The following MGMT variants were observed in gnomAD, a reference collection of about 807,000 sequenced individuals.
The protein encoded by MGMT is methylated-DNA--protein-cysteine methyltransferase.
Under a neutral mutation model 15.9 loss-of-function variants are expected in MGMT, and 14 were observed. That is an observed-to-expected ratio of 0.88 (90% CI 0.58 to 1.37). The LOEUF (loss-of-function observed/expected upper bound fraction) is 1.37. Ranked by LOEUF, MGMT falls within the 40% of genes most tolerant of loss-of-function variation. The probability of loss-of-function intolerance (pLI) is 0.00; values close to 1 mark genes in which losing one functional copy is unlikely to be tolerated. For synonymous variants in MGMT, 130 were observed against 118.2 expected, an observed-to-expected ratio of 1.10 and a Z score of -0.65; for missense variants, 282 against 268.1, an observed-to-expected ratio of 1.05 and a Z score of -0.36.
intron 1 of MGMT, among the ~76,000 whole-genome samples, chr10:129,490,893 G>T (rs1320803825): frequency 1.3e-5 from 2 of 152,066 alleles, no homozygotes; most frequent in African/African-American, 4.8e-5. Flanking sequence ...TATACACCCT[G>T]GACTTACTAT....
chr10:129,633,849 T>C (rs946147010), intron 2 of MGMT, among the ~76,000 whole-genome samples: 2 of 152,228 alleles, frequency 1.3e-5, no homozygotes, highest in Non-Finnish European at 2.9e-5. Flanking sequence ...ATAGTAAATA[T>C]ATTAGTCTCT....
chr10:129,494,380 G>A (rs1256405088), intron 1 of MGMT, among the ~76,000 whole-genome samples: 4 of 152,196 alleles, frequency 2.6e-5, no homozygotes, highest in Non-Finnish European at 5.9e-5. Flanking sequence ...CTTCCCTGGG[G>A]CTTACCTGAA....
Position 129,621,487 on chromosome 10 carries a change from G to A in MGMT, c.125+85110G>A, listed in dbSNP as rs1010633513. On this transcript the variant is annotated intron_variant, in intron 2 of 4. Transcript: ENST00000651593. The stretch of plus-strand genomic sequence containing the variant: ...TAAATATGTTGAAAGGGCGCAGGGG[G>A]GTTTAATGCCCTTCATCAGATCTGT... Among the ~76,000 whole-genome samples the A allele has an allele frequency of 8.2e-4, 125 of 152,344 alleles. 2 individuals carry two copies. The highest frequency in any genetic ancestry group is 8.2e-3 in the Admixed American group (125 of 15,310).
intron 2 of MGMT, among the ~76,000 whole-genome samples, chr10:129,661,632 T>C (rs960946848): frequency 2.6e-5 from 4 of 152,230 alleles, no homozygotes; most frequent in African/African-American, 4.8e-5. Context: ...TAACAAGTTA[T>C]ACATATTTTA....
intron 2 of MGMT, among the ~76,000 whole-genome samples, chr10:129,703,253 T>A (rs1046558530): frequency 6.6e-6 from 1 of 152,224 alleles, no homozygotes; most frequent in African/African-American, 2.4e-5. Context: ...TGAATTTTAC[T>A]ACTATAAAAA....
intron 2 of MGMT, among the ~76,000 whole-genome samples, chr10:129,657,133 A>G (rs1847533289): frequency 6.6e-6 from 1 of 152,104 alleles, no homozygotes; most frequent in Admixed American, 6.5e-5. Flanking sequence ...TCATTTGGGG[A>G]CAGATACCCT....
intron 1 of MGMT, among the ~76,000 whole-genome samples, chr10:129,510,507 C>CT (rs1397562653): frequency 6.6e-6 from 1 of 152,086 alleles, no homozygotes; most frequent in Admixed American, 6.5e-5. Context: ...ACATTATTGG[C>CT]TCTATTGGAA....
chr10:129,517,949 G>A (rs918724571), intron 1 of MGMT, among the ~76,000 whole-genome samples: 23 of 152,192 alleles, frequency 1.5e-4, no homozygotes, highest in African/African-American at 5.1e-4. Flanking sequence ...GAGAATATGC[G>A]AATGCTTTAG....
Position 129,508,230 on chromosome 10 carries a change from C to A in MGMT, c.-12-28011C>A, listed in dbSNP as rs144330982. ...TTGCGGGTGGTTCTGATGGCCACAC[C>A]ACTCCAGCCCGCCTGGAAGCCGCCA... On this transcript the variant is annotated intron_variant, in intron 1 of 4. Coordinates refer to ENST00000651593, the MANE Select transcript of MGMT (RefSeq NM_002412.5). Among the ~76,000 whole-genome samples, 130 of 152,206 alleles carry A rather than the reference C, an allele frequency of 8.5e-4. 1 individual carries two copies. The highest frequency in any genetic ancestry group is 3.0e-3 in the African/African-American group (123 of 41,526).
At chr10:129,559,233 C>G (rs926588962) in intron 2 of MGMT, among the ~76,000 whole-genome samples, 5 of 152,146 alleles carry the variant, frequency 3.3e-5, no homozygotes, top group African/African-American at 1.2e-4. Context: ...ATACATTTAC[C>G]TGTACACCAC....
intron 2 of MGMT, among the ~76,000 whole-genome samples, chr10:129,691,941 C>T (rs1401799075): frequency 2.0e-5 from 3 of 152,196 alleles, no homozygotes; most frequent in African/African-American, 4.8e-5. Context: ...GGGAGTTATT[C>T]ACTCCTCTGC....
intron 2 of MGMT, among the ~76,000 whole-genome samples, chr10:129,645,232 G>T (rs181832401): frequency 6.6e-6 from 1 of 150,556 alleles, no homozygotes; most frequent in Non-Finnish European, 1.5e-5. Flanking sequence ...CGATTCTGCT[G>T]CCTCAGCCTC....
At chr10:129,477,931 G>T (rs1297515791) in intron 1 of MGMT, among the ~76,000 whole-genome samples, 1 of 152,178 alleles carries the variant, frequency 6.6e-6, no homozygotes, top group Non-Finnish European at 1.5e-5. Flanking sequence ...TTTAGCTCTT[G>T]GCATCCCAAA....
chr10:129,522,769 G>A (rs1845827429), intron 1 of MGMT, among the ~76,000 whole-genome samples: 1 of 152,194 alleles, frequency 6.6e-6, no homozygotes, highest in Non-Finnish European at 1.5e-5. Context: ...AGGAGAAAGA[G>A]GAACTTCCCC....
intron 2 of MGMT, among the ~76,000 whole-genome samples, chr10:129,686,745 GGT>G (rs1451868730): frequency 2.6e-5 from 4 of 152,178 alleles, no homozygotes; most frequent in Non-Finnish European, 5.9e-5. Flanking sequence ...GCCTGGCATA[GGT>G]GACATCATGC....
chr10:129,672,179 G>A (rs947217087), intron 2 of MGMT, among the ~76,000 whole-genome samples: 1 of 152,126 alleles, frequency 6.6e-6, no homozygotes, highest in African/African-American at 2.4e-5. Context: ...TATATCATTT[G>A]TTATAGGGGT....
At position 129,542,782 on chromosome 10, in the gene MGMT, G is replaced by A. The variant is rs149332548; in HGVS notation, c.125+6405G>A. Among the ~76,000 whole-genome samples the A allele has an allele frequency of 2.6e-3, 392 of 152,282 alleles. 1 individual carries two copies. The highest frequency in any genetic ancestry group is 9.0e-3 in the African/African-American group (374 of 41,562). Reference sequence around the variant, plus strand: ...AACGAATGGCTGAATGCCCTGGCGAGCCTGGAACCCCTTGTTCTTGCCCCT... The same window carrying A: ...AACGAATGGCTGAATGCCCTGGCGAACCTGGAACCCCTTGTTCTTGCCCCT... On this transcript the variant is annotated intron_variant, in intron 2 of 4. Transcript: ENST00000651593.
intron 3 of MGMT, among the ~76,000 whole-genome samples, chr10:129,737,157 C>T (rs1421198331): frequency 6.6e-6 from 1 of 152,168 alleles, no homozygotes; most frequent in African/African-American, 2.4e-5. Context: ...AGAGTGTTTT[C>T]CAACTTGGTT....
At chr10:129,657,648 G>T (rs576057725) in intron 2 of MGMT, among the ~76,000 whole-genome samples, 7 of 149,006 alleles carry the variant, frequency 4.7e-5, no homozygotes, top group African/African-American at 1.2e-4. Context: ...TGGAGCTGGG[G>T]GGGGGACAGG....
Sources: gnomAD v4.1 joint callset for allele counts (sites outside exome capture counted in the v4.1 genomes callset) on GRCh38, gnomAD v4.1.1 for gene constraint, MANE v1.5 for transcripts, NCBI Gene and HGNC (gene_info 2026-07-23, HGNC 2026-07-21) for gene names.